Variants in CCDC141 observed in about 807,000 individuals in gnomAD.
The protein encoded by CCDC141 is coiled-coil domain-containing protein 141.
A neutral mutation model predicts 181.0 loss-of-function variants in CCDC141; 168 were observed. That is an observed-to-expected ratio of 0.93 (90% confidence interval 0.82 to 1.05). The LOEUF is 1.05. Among genes scored for constraint, CCDC141 ranks in the 50% least tolerant of loss-of-function variants. CCDC141 has a pLI of 0.00. For missense variants in CCDC141, 1,902 were observed against 1,788.5 expected, an observed-to-expected ratio of 1.06 and a Z score of -1.14; for synonymous variants, 666 against 642.3, an observed-to-expected ratio of 1.04 and a Z score of -0.56.
intron 15 of CCDC141, 32 bp from the exon 16 acceptor site, chr2:178,868,237 G>T: frequency 6.4e-7 from 1 of 1,566,276 alleles, no homozygotes; most frequent in Admixed American, 1.7e-5. Flanking sequence ...ATTAACCTGG[G>T]TTTTATATGA....
At chr2:178,856,166 T>C (rs1325042687) in intron 18 of CCDC141, 91 bp downstream of exon 18, 2 of 1,167,032 alleles carry the variant, frequency 1.7e-6, no homozygotes, top group African/African-American at 3.1e-5. Flanking sequence ...CAGAGTTAGG[T>C]ATCTAGATTT....
At chr2:178,842,627 A>G (rs1684773587) in intron 22 of CCDC141, among the ~76,000 whole-genome samples, 1 of 152,224 alleles carries the variant, frequency 6.6e-6, no homozygotes, top group African/African-American at 2.4e-5. Context: ...ATATGTGGTA[A>G]ATTTGAAGGA....
At position 178,830,170 on chromosome 2, in the gene CCDC141, T is replaced by A. The variant is rs778849542; in HGVS notation, c.*4003A>T. ...GTTCCTCATACCGGATGATGATTTA[T>A]GCCTAAGTACATATGTTTTAAAATG... On this transcript the variant is annotated 3_prime_UTR_variant, in exon 24 of 24. Coordinates refer to ENST00000443758, the MANE Select transcript of CCDC141 (RefSeq NM_173648.4). 6.6e-6 allele frequency: 1 copy of A among 152,254 alleles called. No homozygotes were observed. Among genetic ancestry groups the A allele is most frequent in the Non-Finnish European group, 1.5e-5 (1 of 68,038 alleles). 9.4% of individuals were successfully genotyped at this position (152,254 alleles called of 1,614,324 possible).
intron 8 of CCDC141, among the ~76,000 whole-genome samples, chr2:178,896,429 T>C (rs1687409462): frequency 6.6e-6 from 1 of 152,130 alleles, no homozygotes; most frequent in Non-Finnish European, 1.5e-5. Flanking sequence ...TTTATATGGC[T>C]TTGATTGTCC....
intron 17 of CCDC141, among the ~76,000 whole-genome samples, chr2:178,864,215 A>T (rs973922698): frequency 6.6e-6 from 1 of 152,100 alleles, no homozygotes; most frequent in Non-Finnish European, 1.5e-5. Context: ...GGAGGAAGAG[A>T]AGGAGGGAAA....
rs952705141 is a variant in CCDC141, at chr2:178,872,218, A to C, written c.1994T>G (p.Leu665Arg). 3.7e-6 allele frequency: 6 copies of C among 1,613,888 alleles called. No individual in the cohort carries two copies. The Admixed American group carries it at 8.3e-5, about 22-fold the overall frequency. The change falls in exon 13 of 24, where the codon CTC becomes CGC. Residue 665 changes from leucine to arginine, a missense_variant. Physicochemically the swap from Leu to Arg is moderately radical, Grantham distance 102. Coordinates refer to ENST00000443758, the MANE Select transcript of CCDC141 (RefSeq NM_173648.4). ...NQKAEREELSLLRLAWQLKAT... is the reference protein window; with the variant it reads ...NQKAEREELSRLRLAWQLKAT... ...TTTAAGCTGCCATGCCAGCCGAAGG[A>C]GGCTAAGTTCTTCCCGTTCTGCTTT...
In CCDC141 at chr2:178,856,373, T is replaced by C; in HGVS notation, c.2749A>G (p.Lys917Glu). 6.3e-7 allele frequency: 1 copy of C among 1,598,602 alleles called. No homozygotes were observed. The highest frequency in any genetic ancestry group is 1.1e-5 in the South Asian group (1 of 89,822). Residue 917 changes from lysine (K) to glutamate (E), a missense_variant, in exon 18 of 24, where the codon AAA (lysine) becomes GAA (glutamate). Physicochemically the swap from Lys to Glu is moderately conservative, Grantham distance 56. Transcript: ENST00000443758. ...NELKDSFKDI[K>E]KKFNNLKFNY... is the part of the protein sequence containing the mutation. ...AACTTCAAATTATTGAATTTCTTTT[T>C]GATATCTTTGAATGAGTCTTTGAGC...
chr2:178,826,754 CT>C (rs1342226780), downstream of CCDC141, among the ~76,000 whole-genome samples: 7 of 151,962 alleles, frequency 4.6e-5, no homozygotes, highest in Non-Finnish European at 7.4e-5. Context: ...TGTCTTCTCT[CT>C]TTTGGTTATC....
intron 2 of CCDC141, among the ~76,000 whole-genome samples, chr2:178,981,322 C>G: frequency 6.6e-6 from 1 of 151,896 alleles, no homozygotes; most frequent in East Asian, 1.9e-4. Flanking sequence ...ATGGAACATA[C>G]ATCAAGATAG....
chr2:179,027,170 C>T (rs1440367964), intron 2 of CCDC141, among the ~76,000 whole-genome samples: 1 of 152,084 alleles, frequency 6.6e-6, no homozygotes, highest in African/African-American at 2.4e-5. Context: ...TGCTAGGGGC[C>T]AGGGTGAAAT....
At chr2:178,999,043 G>T (rs1055473149) in intron 2 of CCDC141, among the ~76,000 whole-genome samples, 1 of 152,042 alleles carries the variant, frequency 6.6e-6, no homozygotes, top group Admixed American at 6.6e-5. Context: ...AAAGTGTAGC[G>T]GTCATTATTC....
At chr2:178,928,135 G>A (rs1688976922) in intron 6 of CCDC141, among the ~76,000 whole-genome samples, 1 of 152,180 alleles carries the variant, frequency 6.6e-6, no homozygotes, top group Non-Finnish European at 1.5e-5. Flanking sequence ...GGGTGACTGA[G>A]TTTACTCACA....
rs560405459 is a variant in CCDC141, at chr2:178,987,682, A to G, written c.226-9007T>C. On this transcript the variant is annotated intron_variant, in intron 2 of 23. Coordinates refer to ENST00000443758, the MANE Select transcript of CCDC141 (RefSeq NM_173648.4). ...AGGACATGAACAGACACTTCTCAAA[A>G]GAAGACATTTATGCAGCCAAAAAAC... Among the ~76,000 whole-genome samples, 61 of 150,492 alleles carry G rather than the reference A, an allele frequency of 4.1e-4. 1 individual carries two copies. The South Asian group carries it at 0.012, about 30-fold the overall frequency.
At position 178,878,547 on chromosome 2, in the gene CCDC141, G is replaced by A. The variant is rs564939786; in HGVS notation, c.1720-404C>T. Among the ~76,000 whole-genome samples, 129 of 144,496 alleles carry A rather than the reference G, an allele frequency of 8.9e-4. 2 individuals carry two copies. Among genetic ancestry groups the A allele is most frequent in the Middle Eastern group, 3.8e-3 (1 of 260 alleles). 94.8% of individuals were successfully genotyped at this position (144,496 alleles called of 152,430 possible). On this transcript the variant is annotated intron_variant, in intron 11 of 23. Transcript: ENST00000443758. ...TTGCCCAGGTTGGTCTCGGACTCCT[G>A]GGCTCAAGAGATCCTCCTGTCTTGG...
rs899451342 is a variant in CCDC141 at position 179,015,963 on chromosome 2, CAT to C, written c.225+31319_225+31320del. Among the ~76,000 whole-genome samples, 6 of 143,656 alleles carry C rather than the reference CAT, an allele frequency of 4.2e-5. No individual in the cohort carries two copies. In the East Asian group the frequency reaches 6.6e-4, roughly 16 times the overall value. 94.2% of individuals were successfully genotyped at this position (143,656 alleles called of 152,430 possible). On this transcript the variant is annotated intron_variant, in intron 2 of 23. Transcript: ENST00000443758. ...TATATCATATATATCTCATATATAT[CAT>C]ATATATATCTCATATATGTATGATA...
At chr2:178,930,263 A>G (rs934433552) in intron 6 of CCDC141, among the ~76,000 whole-genome samples, 1 of 152,140 alleles carries the variant, frequency 6.6e-6, no homozygotes, top group African/African-American at 2.4e-5. Flanking sequence ...AAGGAGATGG[A>G]AAACTTATAC....
intron 7 of CCDC141, among the ~76,000 whole-genome samples, chr2:178,914,354 T>C (rs1688348154): frequency 6.6e-6 from 1 of 152,174 alleles, no homozygotes; most frequent in African/African-American, 2.4e-5. Context: ...GAACAGGAAG[T>C]ATATCAGATT....
chr2:178,888,307 T>C (rs992705886), intron 9 of CCDC141, among the ~76,000 whole-genome samples: 3 of 152,196 alleles, frequency 2.0e-5, no homozygotes, highest in African/African-American at 7.2e-5. Flanking sequence ...TTTGTGTGTA[T>C]ACCTTCAGGC....
At chr2:178,951,056 A>G (rs541715388) in intron 5 of CCDC141, among the ~76,000 whole-genome samples, 13 of 152,122 alleles carry the variant, frequency 8.5e-5, no homozygotes, top group African/African-American at 2.2e-4. Flanking sequence ...AAATCAGTAC[A>G]GTAGATGTCT....
Sources: allele counts gnomAD v4.1 joint callset (sites outside exome capture counted in the v4.1 genomes callset), GRCh38; gene constraint gnomAD v4.1.1; transcripts MANE v1.5; gene names NCBI Gene and HGNC (gene_info 2026-07-23, HGNC 2026-07-21).